The following TNFRSF8 variants were observed in gnomAD, a reference collection of about 807,000 sequenced individuals.
The protein encoded by TNFRSF8 is TNF receptor superfamily member 8, also known as tumor necrosis factor receptor superfamily member 8.
Under a neutral mutation model 70.8 loss-of-function variants are expected in TNFRSF8, and 26 were observed. The ratio of observed to expected loss-of-function variants is 0.37; its 90% CI spans 0.27 to 0.51. The LOEUF (loss-of-function observed/expected upper bound fraction) is 0.51. Among genes scored for constraint, TNFRSF8 ranks in the 20% least tolerant of loss-of-function variants. TNFRSF8 has a pLI of 0.94. For synonymous variants in TNFRSF8, 356 were observed against 339.2 expected (o/e 1.05, Z -0.54); for missense variants, 720 against 807.9 (o/e 0.89, Z 1.32).
At chr1:12,140,345 C>T (rs575629811) in intron 14 of TNFRSF8, among the ~76,000 whole-genome samples, 1 of 152,214 alleles carries the variant, frequency 6.6e-6, no homozygotes, top group African/African-American at 2.4e-5. Flanking sequence ...CCCTTCCCAT[C>T]CAGTTCCCAA....
intron 8 of TNFRSF8, among the ~76,000 whole-genome samples, chr1:12,121,394 A>T (rs1641826609): frequency 6.6e-6 from 1 of 152,188 alleles, no homozygotes; most frequent in African/African-American, 2.4e-5. Context: ...GTTGCTTTGT[A>T]CCACATCAAA....
chr1:12,133,695 G>A (rs1490016211), intron 12 of TNFRSF8, among the ~76,000 whole-genome samples: 3 of 140,434 alleles, frequency 2.1e-5, no homozygotes, highest in African/African-American at 8.1e-5. Flanking sequence ...AGCCGAGATC[G>A]CGCTGCTGCA....
chr1:12,116,899 G>A (rs942943938), intron 8 of TNFRSF8, among the ~76,000 whole-genome samples: 1 of 152,146 alleles, frequency 6.6e-6, no homozygotes, highest in Non-Finnish European at 1.5e-5. Flanking sequence ...CCCCCAGAGA[G>A]GCTCTGGGCT....
At chr1:12,099,565 A>G (rs910132307) in intron 3 of TNFRSF8, among the ~76,000 whole-genome samples, 3 of 152,050 alleles carry the variant, frequency 2.0e-5, no homozygotes, top group African/African-American at 7.2e-5. Flanking sequence ...CTGCACTTGC[A>G]TGTTACTGCA....
chr1:12,120,890 G>T lies in TNFRSF8; in HGVS notation c.947-2394G>T, dbSNP rs985335450. 7.2e-5 allele frequency among the ~76,000 whole-genome samples: 11 copies of T among 152,300 alleles called. 1 individual carries two copies. The South Asian group carries it at 2.3e-3, about 32-fold the overall frequency. On this transcript the variant is annotated intron_variant, in intron 8 of 14. Transcript: ENST00000263932. Reference sequence around the variant, plus strand: ...GAGAGGGGATGAGAGGCACCCAAGGGATACTAGGTTCCCCCCTTCTGCACA... The same window carrying T: ...GAGAGGGGATGAGAGGCACCCAAGGTATACTAGGTTCCCCCCTTCTGCACA...
intron 10 of TNFRSF8, 30 bp from the exon 11 acceptor site, chr1:12,125,921 C>T: frequency 1.9e-6 from 3 of 1,587,576 alleles, no homozygotes; most frequent in East Asian, 2.2e-5. Context: ...TGCAGCAAGG[C>T]AAAGAGTGTG....
rs1212076788 is a variant in TNFRSF8 at position 12,088,647 on chromosome 1, G to A, written c.151+4096G>A. The stretch of plus-strand genomic sequence containing the variant: ...GGGGTCTCTCCTGCAGATGTTTGAG[G>A]CCTGCCCAGGTTCAGGGGAAGGATG... On this transcript the variant is annotated intron_variant, in intron 2 of 14. Transcript: ENST00000263932. This position sits in a 1 kb window ranked among gnomAD's most constrained non-coding sequence, Gnocchi z 4.0. Among the ~76,000 whole-genome samples the A allele has an allele frequency of 4.6e-5, 7 of 152,242 alleles. No individual in the cohort carries two copies. Among genetic ancestry groups the A allele is most frequent in the African/African-American group, 1.7e-4 (7 of 41,456 alleles).
chr1:12,074,822 T>C (rs903117438), intron 1 of TNFRSF8, among the ~76,000 whole-genome samples: 1 of 152,186 alleles, frequency 6.6e-6, no homozygotes, highest in African/African-American at 2.4e-5. Context: ...AGGGTCTCAC[T>C]CTGTTGCCCA....
chr1:12,101,775 GA>G (rs1641427723), intron 3 of TNFRSF8, among the ~76,000 whole-genome samples: 1 of 152,102 alleles, frequency 6.6e-6, no homozygotes, highest in African/African-American at 2.4e-5. Flanking sequence ...GGGTTCAAGC[GA>G]TTCTCCTGTC....
chr1:12,117,865 A>G (rs1191154000), intron 8 of TNFRSF8, among the ~76,000 whole-genome samples: 1 of 149,708 alleles, frequency 6.7e-6, no homozygotes, highest in Non-Finnish European at 1.5e-5. Context: ...TCACCCTTCT[A>G]AGTCTCTGTT....
chr1:12,116,365 A>G (rs1369397800), intron 8 of TNFRSF8, among the ~76,000 whole-genome samples: 1 of 152,232 alleles, frequency 6.6e-6, no homozygotes, highest in Middle Eastern at 3.2e-3. Context: ...GAGATTTCTA[A>G]CAGGACGGTT....
At chr1:12,102,831 G>A (rs1414321723) in intron 3 of TNFRSF8, among the ~76,000 whole-genome samples, 1 of 150,294 alleles carries the variant, frequency 6.7e-6, no homozygotes, top group East Asian at 1.9e-4. Flanking sequence ...CCGCCTAGCT[G>A]TACTTTTTAT....
intron 1 of TNFRSF8, among the ~76,000 whole-genome samples, chr1:12,073,588 T>C (rs962719460): frequency 2.7e-5 from 4 of 149,622 alleles, no homozygotes; most frequent in Admixed American, 2.6e-4. Flanking sequence ...CCCTTTTTCT[T>C]TTTCTTTTTT....
chr1:12,065,076 AC>A (rs1370218775), intron 1 of TNFRSF8, among the ~76,000 whole-genome samples: 6 of 102,316 alleles, frequency 5.9e-5, no homozygotes, highest in Non-Finnish European at 9.6e-5. Flanking sequence ...CTCATACCAA[AC>A]CTTTTTTTTT....
rs368632391 is a variant in TNFRSF8 at position 12,115,733 on chromosome 1, A to G, written c.946+4A>G. 1 of 1,613,678 alleles carries G rather than the reference A, an allele frequency of 6.2e-7. No individual in the cohort carries two copies. Among genetic ancestry groups the G allele is most frequent in the African/African-American group, 1.3e-5 (1 of 74,910 alleles). On this transcript the variant is annotated splice_donor_region_variant and intron_variant, in intron 8 of 14. Transcript: ENST00000263932. ...GAGACGGTCACCAAGCCCCAGGGTA[A>G]GCAGTTCCCACCCCAGGCCTCGACC...
intron 4 of TNFRSF8, among the ~76,000 whole-genome samples, chr1:12,105,810 TGC>T (rs1641512097): frequency 6.6e-6 from 1 of 151,890 alleles, no homozygotes; most frequent in Non-Finnish European, 1.5e-5. Context: ...TGGCAGCAGG[TGC>T]CCTGTAATTC....
At position 12,123,775 on chromosome 1, in the gene TNFRSF8, A is replaced by C. The variant is rs1355684252; in HGVS notation, c.1101A>C (p.Pro367=). Residue 367 remains proline, a synonymous_variant, in exon 10 of 15, where the codon CCA becomes CCC. Coordinates refer to ENST00000263932, the MANE Select transcript of TNFRSF8 (RefSeq NM_001243.5). ...DSQASKTLPI[P]TSAPVALSST... is the part of the protein sequence containing the mutation. ...AGGCCAGTAAGACGCTGCCCATCCC[A>C]ACCAGCGCTCCCGTCGCTCTCTCCT... 6.3e-7 allele frequency: 1 copy of C among 1,580,056 alleles called. No individual in the cohort carries two copies. The highest frequency in any genetic ancestry group is 8.6e-7 in the Non-Finnish European group (1 of 1,162,572).
In TNFRSF8 at chr1:12,127,095, T is replaced by C. The variant is rs113583517; in HGVS notation, c.1309+859T>C. 3.3e-5 allele frequency among the ~76,000 whole-genome samples: 5 copies of C among 152,332 alleles called. 1 individual carries two copies. Among genetic ancestry groups the C allele is most frequent in the African/African-American group, 1.2e-4 (5 of 41,582 alleles). On this transcript the variant is annotated intron_variant, in intron 12 of 14. Transcript: ENST00000263932. The stretch of plus-strand genomic sequence containing the variant: ...GGTCGTCTATACAGCGTGTGTCTTC[T>C]AGCTCTCACCTGGGGCAGGGGGCTC...
Position 12,097,206 on chromosome 1 carries a change from CTTG to C in TNFRSF8, c.260_262del (p.Cys87del). On this transcript the variant is annotated inframe_deletion, in exon 3 of 15. Transcript: ENST00000263932. ...GCCGACCGCTGTACAGCCTGCGTGA[CTTG>C]TTCTCGAGGTAAGGGCCTTGTTCTC... The C allele has an allele frequency of 1.2e-6, 2 of 1,613,774 alleles. No individual in the cohort carries two copies. The highest frequency in any genetic ancestry group is 8.5e-7 in the Non-Finnish European group (1 of 1,179,748).
Sources: gnomAD v4.1 joint callset for allele counts (sites outside exome capture counted in the v4.1 genomes callset) on GRCh38, gnomAD v4.1.1 for gene constraint, Gnocchi (gnomAD v3.1) non-coding constraint, MANE v1.5 for transcripts, NCBI Gene and HGNC (gene_info 2026-07-23, HGNC 2026-07-21) for gene names.